The following SLC24A2 variants were observed in gnomAD, a reference collection of about 807,000 sequenced individuals.
SLC24A2 encodes sodium/potassium/calcium exchanger 2.
Under a neutral mutation model 62.0 loss-of-function variants are expected in SLC24A2, and 36 were observed. The observed-to-expected ratio is 0.58, with a 90% CI of 0.44 to 0.77. SLC24A2 has a LOEUF of 0.77. Among genes scored for constraint, SLC24A2 ranks in the 30% least tolerant of loss-of-function variants. SLC24A2 has a pLI of 0.00. For missense variants in SLC24A2, 846 were observed against 817.9 expected (o/e 1.03, Z -0.42); for synonymous variants, 358 against 294.0 (o/e 1.22, Z -2.23).
chr9:19,604,709 A>G (rs1836935337), intron 4 of SLC24A2, among the ~76,000 whole-genome samples: 1 of 152,182 alleles, frequency 6.6e-6, no homozygotes, highest in South Asian at 2.1e-4. Flanking sequence ...ATGAGAGGGC[A>G]AGGGAATTTG....
the SLC24A2 span, among the ~76,000 whole-genome samples, chr9:20,211,598 A>G: frequency 0.011 from 1,701 of 152,336 alleles, 35 homozygotes; most frequent in African/African-American, 0.039. Flanking sequence ...ATGTATGTAA[A>G]TCTATAGTAA....
chr9:20,229,019 C>T, the SLC24A2 span, among the ~76,000 whole-genome samples: 1 of 152,062 alleles, frequency 6.6e-6, no homozygotes, highest in African/African-American at 2.4e-5. Flanking sequence ...AGGCTGGGAG[C>T]TGGGTGTGAG....
At chr9:20,295,919 A>G in the SLC24A2 span, among the ~76,000 whole-genome samples, 1 of 152,142 alleles carries the variant, frequency 6.6e-6, no homozygotes, top group Non-Finnish European at 1.5e-5. Flanking sequence ...CTAAATCTAT[A>G]TCCTTTTGGT....
intron 2 of SLC24A2, among the ~76,000 whole-genome samples, chr9:19,658,254 T>C (rs1305276137): frequency 7.9e-6 from 1 of 126,580 alleles, no homozygotes; most frequent in African/African-American, 3.1e-5. Context: ...GTGATATCTC[T>C]ACCCCTCACA....
the SLC24A2 span, among the ~76,000 whole-genome samples, chr9:20,225,554 T>C: frequency 2.0e-5 from 2 of 99,730 alleles, no homozygotes; most frequent in South Asian, 5.0e-4. Flanking sequence ...TTCTATACTA[T>C]ATATATTATA....
chr9:19,947,848 G>GAAAGAAAGAAAGAAAGAAAGAAAGAA, the SLC24A2 span, among the ~76,000 whole-genome samples: 2 of 145,338 alleles, frequency 1.4e-5, no homozygotes, highest in African/African-American at 2.5e-5. Context: ...AAGAAAGAAA[G>GAAAGAAAGAAAGAAAGAAAGAAAGAA]AAATTAGTTC....
intron 2 of SLC24A2, among the ~76,000 whole-genome samples, chr9:19,755,201 A>T (rs1474448917): frequency 6.6e-6 from 1 of 152,142 alleles, no homozygotes; most frequent in Non-Finnish European, 1.5e-5. Context: ...ATACTACAGG[A>T]TTACATAAGA....
chr9:19,751,934 A>G (rs10811233), intron 2 of SLC24A2, among the ~76,000 whole-genome samples: 2,974 of 152,274 alleles, frequency 0.02, 42 homozygotes, highest in South Asian at 0.029. Context: ...ATCTTCAAAG[A>G]CAGAATGAAC....
chr9:19,748,237 A>G (rs1821888988), intron 2 of SLC24A2, among the ~76,000 whole-genome samples: 1 of 152,186 alleles, frequency 6.6e-6, no homozygotes, highest in Admixed American at 6.6e-5. Context: ...TATGCAGGAG[A>G]GCAGATCTGT....
chr9:19,642,566 T>C (rs1818528685), intron 2 of SLC24A2, among the ~76,000 whole-genome samples: 1 of 151,942 alleles, frequency 6.6e-6, no homozygotes, highest in Non-Finnish European at 1.5e-5. Flanking sequence ...ACTTAAAGAG[T>C]AGTTATGCCT....
intron 5 of SLC24A2, 61 bp downstream of exon 5, chr9:19,597,168 C>T: frequency 1.9e-6 from 2 of 1,076,134 alleles, no homozygotes; most frequent in Non-Finnish European, 2.9e-6. Context: ...AAAAAATGGG[C>T]AAGCAACAGA....
At chr9:19,818,887 C>A in the SLC24A2 span, among the ~76,000 whole-genome samples, 1 of 152,018 alleles carries the variant, frequency 6.6e-6, no homozygotes, top group Non-Finnish European at 1.5e-5. Context: ...CCTGCATAGC[C>A]AAAGCAAGAC....
At chr9:19,905,758 A>G in the SLC24A2 span, among the ~76,000 whole-genome samples, 179 of 152,238 alleles carry the variant, frequency 1.2e-3, no homozygotes, top group Non-Finnish European at 2.0e-3. Flanking sequence ...CTGTCCTCTT[A>G]GGTTTAGTTC....
the SLC24A2 span, among the ~76,000 whole-genome samples, chr9:20,102,332 G>A: frequency 6.6e-6 from 1 of 152,220 alleles, no homozygotes; most frequent in Non-Finnish European, 1.5e-5. Flanking sequence ...AAGAGATCAT[G>A]TCCTTTGCAG....
chr9:19,929,875 C>G, the SLC24A2 span: 1 of 151,948 alleles, frequency 6.6e-6, no homozygotes. Context: ...ATGTTTGTGT[C>G]TTGGTTTCTA....
chr9:20,052,028 C>T, the SLC24A2 span, among the ~76,000 whole-genome samples: 1 of 151,992 alleles, frequency 6.6e-6, no homozygotes. Flanking sequence ...AAAATAGTTC[C>T]CGGAACAGTG....
chr9:19,861,879 A>G, the SLC24A2 span, among the ~76,000 whole-genome samples: 28 of 152,146 alleles, frequency 1.8e-4, no homozygotes, highest in Admixed American at 5.2e-4. Flanking sequence ...CAGGCTATTT[A>G]AAAATACAGA....
the SLC24A2 span, among the ~76,000 whole-genome samples, chr9:20,176,248 A>G: frequency 0.54 from 81,427 of 151,828 alleles, 23,261 homozygotes; most frequent in East Asian, 0.78. Context: ...ATTTGCCCCA[A>G]TTGAGCCATT....
At chr9:20,229,986 T>C in the SLC24A2 span, among the ~76,000 whole-genome samples, 1 of 151,946 alleles carries the variant, frequency 6.6e-6, no homozygotes, top group Non-Finnish European at 1.5e-5. Flanking sequence ...ATGTGGTGTT[T>C]GGTTTTTTGT....
Sources: allele counts gnomAD v4.1 joint callset (sites outside exome capture counted in the v4.1 genomes callset), GRCh38; gene constraint gnomAD v4.1.1; transcripts MANE v1.5; gene names NCBI Gene and HGNC (gene_info 2026-07-23, HGNC 2026-07-21).